The following MGAT3 variants were observed in gnomAD, a reference collection of about 807,000 sequenced individuals.
MGAT3 encodes the protein GlcNAc-T III.
A neutral mutation model predicts 29.8 loss-of-function variants in MGAT3; 9 were observed. The ratio of observed to expected loss-of-function variants is 0.30; its 90% CI spans 0.18 to 0.53. The LOEUF (loss-of-function observed/expected upper bound fraction) is 0.53. MGAT3 is among the 20% of genes least tolerant of loss of function. The pLI is 0.96. For missense variants in MGAT3, 557 were observed against 769.5 expected (o/e 0.72, Z 3.27); for synonymous variants, 397 against 348.9 (o/e 1.14, Z -1.54).
intron 1 of MGAT3, among the ~76,000 whole-genome samples, chr22:39,479,086 T>C (rs1785933134): frequency 6.6e-6 from 1 of 152,158 alleles, no homozygotes; most frequent in South Asian, 2.1e-4. Flanking sequence ...TGGCCCACGC[T>C]TGCAATCCCA....
chr22:39,488,939 C>A lies in MGAT3; in HGVS notation c.1592C>A (p.Ala531Glu). The A allele has an allele frequency of 1.2e-6, 2 of 1,604,900 alleles. No individual in the cohort carries two copies. The highest frequency in any genetic ancestry group is 8.5e-7 in the Non-Finnish European group (1 of 1,176,374). ...RPPARGKLDE[A>E]EV Reference sequence around the variant, plus strand: ...CCCGCCCGGGGCAAACTGGACGAGGCGGAAGTCTAGAGCTGCATGATCTGA... The same window carrying A: ...CCCGCCCGGGGCAAACTGGACGAGGAGGAAGTCTAGAGCTGCATGATCTGA... The change falls in exon 2 of 2, where the codon GCG becomes GAG. Residue 531 changes from alanine (A) to glutamate (E), a missense_variant. By Grantham distance (107) the Ala-to-Glu change is moderately radical (BLOSUM62 -1). Around this residue, in one of 3 missense-constraint regions of MGAT3, gnomAD observed 102 missense variants for 97.0 expected, o/e 1.05. Coordinates refer to ENST00000341184, the MANE Select transcript of MGAT3 (RefSeq NM_002409.5).
chr22:39,458,538 G>C (rs1411675432), intron 1 of MGAT3, among the ~76,000 whole-genome samples: 1 of 152,128 alleles, frequency 6.6e-6, no homozygotes, highest in African/African-American at 2.4e-5. Flanking sequence ...CCCAGCAGAA[G>C]GATGGAGGGG....
chr22:39,481,823 T>G (rs1376405929), intron 1 of MGAT3, among the ~76,000 whole-genome samples: 1 of 152,218 alleles, frequency 6.6e-6, no homozygotes, highest in African/African-American at 2.4e-5. Context: ...CTCGGTTTCC[T>G]TATACAAGGG....
Position 39,487,455 on chromosome 22 carries a change from A to T in MGAT3, c.108A>T (p.Arg36=). 1 of 1,613,138 alleles carries T rather than the reference A, an allele frequency of 6.2e-7. No homozygotes were observed. Among genetic ancestry groups the T allele is most frequent in the Non-Finnish European group, 8.5e-7 (1 of 1,179,848 alleles). The change falls in exon 2 of 2, where the codon CGA becomes CGT. Residue 36 remains arginine (R), a synonymous_variant. Coordinates refer to ENST00000341184, the MANE Select transcript of MGAT3 (RefSeq NM_002409.5). This position sits in a 1 kb window ranked among gnomAD's most constrained non-coding sequence, Gnocchi z 5.7. Reference sequence around the variant, plus strand: ...CCCTGTCCTATGTCACCTTCCCCCGAGAACTGGCCTCCCTCAGCCCTAACC... The same window carrying T: ...CCCTGTCCTATGTCACCTTCCCCCGTGAACTGGCCTCCCTCAGCCCTAACC... ...FKTLSYVTFP[R]ELASLSPNLV...
At chr22:39,464,369 C>T (rs75001008) in intron 1 of MGAT3, among the ~76,000 whole-genome samples, 26 of 151,942 alleles carry the variant, frequency 1.7e-4, no homozygotes, top group African/African-American at 4.6e-4. Context: ...GTTGGGCCCC[C>T]GGGCTGGCAC....
At chr22:39,474,940 C>A (rs1253960438) in intron 1 of MGAT3, among the ~76,000 whole-genome samples, 1 of 152,162 alleles carries the variant, frequency 6.6e-6, no homozygotes, top group Non-Finnish European at 1.5e-5. Flanking sequence ...GATAAGGTCC[C>A]TCTCTGCCTG....
At chr22:39,472,345 C>T (rs1052453205) in intron 1 of MGAT3, among the ~76,000 whole-genome samples, 6 of 152,156 alleles carry the variant, frequency 3.9e-5, no homozygotes, top group Non-Finnish European at 8.8e-5. Context: ...CTCGGGGTCC[C>T]GCCGTGCCGA....
In MGAT3 at chr22:39,487,263, G is replaced by A; in HGVS notation, c.-1-84G>A. ...TGGCCACCACATTGTCCAGCAAGGT[G>A]GCAGCAGAGGCCTCCTAGGTCCCCT... On this transcript the variant is annotated intron_variant, in intron 1 of 1. Coordinates refer to ENST00000341184, the MANE Select transcript of MGAT3 (RefSeq NM_002409.5). The surrounding 1 kb of genome is among the most constrained non-coding windows in gnomAD (Gnocchi z 5.7). 7.2e-7 allele frequency: 1 copy of A among 1,396,854 alleles called. No homozygotes were observed. Among genetic ancestry groups the A allele is most frequent in the Non-Finnish European group, 9.7e-7 (1 of 1,027,674 alleles). 86.5% of individuals were successfully genotyped at this position (1,396,854 alleles called of 1,614,324 possible).
intron 1 of MGAT3, among the ~76,000 whole-genome samples, chr22:39,459,637 A>T (rs552651781): frequency 2.0e-5 from 3 of 151,646 alleles, no homozygotes; most frequent in East Asian, 3.9e-4. Flanking sequence ...CTAATTTTTT[A>T]AAAAGTTTTT....
At chr22:39,470,066 C>T (rs977235617) in intron 1 of MGAT3, among the ~76,000 whole-genome samples, 13 of 152,266 alleles carry the variant, frequency 8.5e-5, no homozygotes, top group African/African-American at 2.9e-4. Context: ...GCAGTGCATG[C>T]TCCAGGGCTG....
chr22:39,483,681 C>T (rs917515093), intron 1 of MGAT3, among the ~76,000 whole-genome samples: 1 of 152,090 alleles, frequency 6.6e-6, no homozygotes, highest in Non-Finnish European at 1.5e-5. Context: ...CCCAGCTGGT[C>T]CAGCCCAACT....
At chr22:39,480,075 A>G (rs1048750021) in intron 1 of MGAT3, among the ~76,000 whole-genome samples, 13 of 152,226 alleles carry the variant, frequency 8.5e-5, no homozygotes, top group Non-Finnish European at 1.3e-4. Flanking sequence ...TAGTGACTAT[A>G]GGAACATTGA....
intron 1 of MGAT3, among the ~76,000 whole-genome samples, chr22:39,484,666 C>T (rs1055080703): frequency 6.6e-6 from 1 of 152,056 alleles, no homozygotes; most frequent in African/African-American, 2.4e-5. Context: ...AGCCACCACG[C>T]CTAACCCAAA....
chr22:39,486,144 A>ATTT, intron 1 of MGAT3: 28 of 363,724 alleles, frequency 7.7e-5, no homozygotes, highest in Non-Finnish European at 8.4e-5. Context: ...TAGACCTCAA[A>ATTT]TTTTTTTTTT....
intron 1 of MGAT3, among the ~76,000 whole-genome samples, chr22:39,474,484 TG>T (rs1434357359): frequency 6.6e-6 from 1 of 152,172 alleles, no homozygotes; most frequent in African/African-American, 2.4e-5. Context: ...TGTGTGCCTG[TG>T]GGGGTGGAAT....
chr22:39,482,686 A>T (rs911650256), intron 1 of MGAT3, among the ~76,000 whole-genome samples: 1 of 152,242 alleles, frequency 6.6e-6, no homozygotes, highest in East Asian at 1.9e-4. Flanking sequence ...GATTGAAACT[A>T]TGCGGGCAGC....
chr22:39,479,534 C>T (rs1010757147), intron 1 of MGAT3, among the ~76,000 whole-genome samples: 4 of 152,214 alleles, frequency 2.6e-5, no homozygotes, highest in Non-Finnish European at 5.9e-5. Flanking sequence ...TAGGACAGCA[C>T]CCACCTAGGC....
At chr22:39,459,983 G>A (rs568336076) in intron 1 of MGAT3, among the ~76,000 whole-genome samples, 1 of 152,262 alleles carries the variant, frequency 6.6e-6, no homozygotes, top group Non-Finnish European at 1.5e-5. Context: ...AGCTGAGGGT[G>A]GGGGAACTGC....
intron 1 of MGAT3, among the ~76,000 whole-genome samples, chr22:39,481,939 G>C (rs964000624): frequency 6.6e-6 from 1 of 152,100 alleles, no homozygotes; most frequent in Non-Finnish European, 1.5e-5. Flanking sequence ...ACACCTGATG[G>C]TTTGTCAATG....
Sources: allele counts gnomAD v4.1 joint callset (sites outside exome capture counted in the v4.1 genomes callset), GRCh38; gene constraint gnomAD v4.1.1; regional missense constraint gnomAD v4.1.1; non-coding constraint Gnocchi (gnomAD v3.1); transcripts MANE v1.5; gene names NCBI Gene and HGNC (gene_info 2026-07-23, HGNC 2026-07-21).